MYH4: variants seen among roughly 807,000 people sequenced by gnomAD.
The protein encoded by MYH4 is myosin heavy chain 4, also known as myosin-4.
In MYH4, 200 loss-of-function variants were observed where a neutral mutation model predicts 229.9. That is an observed-to-expected ratio of 0.87 (90% CI 0.78 to 0.98). The LOEUF (loss-of-function observed/expected upper bound fraction) is 0.98, where lower values mean the gene tolerates loss of function less well. MYH4 is among the 50% of genes least tolerant of loss of function. The pLI is 0.00. For synonymous variants in MYH4, 761 were observed against 834.6 expected (o/e 0.91, Z 1.52); for missense variants, 2,148 against 2,332.6 (o/e 0.92, Z 1.63).
chr17:10,451,342 A>T lies in MYH4; in HGVS notation c.3849T>A (p.Arg1283=). ...LINELSAQKA[R]LHTESGEFSR... ...TTTACTGACCTGATTCTGTGTGTAAACGTGCCTTCTGGGCTGACAACTCAT... is the reference window on the plus strand; with the variant it reads ...TTTACTGACCTGATTCTGTGTGTAATCGTGCCTTCTGGGCTGACAACTCAT... Residue 1283 remains arginine (R), a synonymous_variant, in exon 28 of 40, where the codon CGT becomes CGA. Transcript: ENST00000255381. The T allele has an allele frequency of 6.2e-7, 1 of 1,613,952 alleles. No homozygotes were observed. The highest frequency in any genetic ancestry group is 1.7e-5 in the Admixed American group (1 of 59,982).
At chr17:10,467,949 C>A (rs1271112184) in intron 2 of MYH4, among the ~76,000 whole-genome samples, 1 of 152,220 alleles carries the variant, frequency 6.6e-6, no homozygotes, top group Non-Finnish European at 1.5e-5. Context: ...TAGCCACCAC[C>A]TTCTGTAGGC....
Position 10,460,189 on chromosome 17 carries a change from T to A in MYH4, c.1266+14A>T. 1 of 1,613,548 alleles carries A rather than the reference T, an allele frequency of 6.2e-7. No individual in the cohort carries two copies. The highest frequency in any genetic ancestry group is 8.5e-7 in the Non-Finnish European group (1 of 1,179,460). On this transcript the variant is annotated intron_variant, in intron 13 of 39. Transcript: ENST00000255381. ...TGCGGTTCAAATAAATCAGACAATT[T>A]AAGTCATGTTTACCTGCTGCACAGT...
rs892347851 is a variant in MYH4, at chr17:10,452,945, T to A, written c.3112-13A>T. On this transcript the variant is annotated splice_polypyrimidine_tract_variant and intron_variant, in intron 24 of 39. Coordinates refer to ENST00000255381, the MANE Select transcript of MYH4 (RefSeq NM_017533.2). Reference sequence around the variant, plus strand: ...GAGATCCTTCAAGCTAAATTTATGATGCATTTTATTTATTTCAGCTCTTAA... The same window carrying A: ...GAGATCCTTCAAGCTAAATTTATGAAGCATTTTATTTATTTCAGCTCTTAA... 6.2e-7 allele frequency: 1 copy of A among 1,600,708 alleles called. No homozygotes were observed. The highest frequency in any genetic ancestry group is 8.5e-7 in the Non-Finnish European group (1 of 1,177,278).
rs773402008 is a variant in MYH4 at position 10,447,800 on chromosome 17, G to T, written c.4965+18C>A. 5 of 1,590,448 alleles carry T rather than the reference G, an allele frequency of 3.1e-6. No individual in the cohort carries two copies. Among genetic ancestry groups the T allele is most frequent in the Non-Finnish European group, 4.3e-6 (5 of 1,167,892 alleles). ...GCACTGAGACTGTACAACACTATGT[G>T]TATTTACCCCAGCATACCTTCAGTA... is the stretch of plus-strand genomic sequence containing the variant. On this transcript the variant is annotated intron_variant, in intron 34 of 39. Transcript: ENST00000255381.
chr17:10,463,121 T>A lies in MYH4; in HGVS notation c.873A>T (p.Gln291His). The A allele has an allele frequency of 6.2e-7, 1 of 1,613,586 alleles. No homozygotes were observed. Among genetic ancestry groups the A allele is most frequent in the Non-Finnish European group, 8.5e-7 (1 of 1,179,710 alleles). The change falls in exon 10 of 40, where the codon CAA becomes CAT. Residue 291 changes from glutamine to histidine, a missense_variant. Gln to His is a conservative substitution (Grantham distance 24). Transcript: ENST00000255381. ...KAERSYHIFY[Q>H]ILSNKKPELI... ...GCTCTGGTTTCTTATTGGACAGGAT[T>A]TGATAAAATATGTGGTAGCTTCTTT...
intron 11 of MYH4, among the ~76,000 whole-genome samples, chr17:10,461,632 T>C (rs1182121843): frequency 1.3e-5 from 2 of 152,146 alleles, no homozygotes; most frequent in Non-Finnish European, 2.9e-5. Context: ...GACCACGAGA[T>C]GCCTGGGGTA....
At chr17:10,457,867 A>C (rs928296461) in intron 15 of MYH4, 138 bp from the exon 16 acceptor site, 5 of 1,184,508 alleles carry the variant, frequency 4.2e-6, no homozygotes, top group Non-Finnish European at 5.8e-6. Context: ...CATGTGAAGC[A>C]GTCATTATGT....
Position 10,463,119 on chromosome 17 carries a change from A to G in MYH4, c.875T>C (p.Ile292Thr), listed in dbSNP as rs2072720241. Residue 292 changes from isoleucine (I) to threonine (T), a missense_variant, in exon 10 of 40, where the codon ATC (isoleucine) becomes ACC (threonine). Transcript: ENST00000255381. ...AERSYHIFYQ[I>T]LSNKKPELIE... Reference sequence around the variant, plus strand: ...GAGCTCTGGTTTCTTATTGGACAGGATTTGATAAAATATGTGGTAGCTTCT... The same window carrying G: ...GAGCTCTGGTTTCTTATTGGACAGGGTTTGATAAAATATGTGGTAGCTTCT... The G allele has an allele frequency of 1.2e-6, 2 of 1,613,510 alleles. No homozygotes were observed. Among genetic ancestry groups the G allele is most frequent in the Non-Finnish European group, 1.7e-6 (2 of 1,179,636 alleles).
At chr17:10,457,309 G>T in intron 16 of MYH4, 111 bp downstream of exon 16, 2 of 1,193,258 alleles carry the variant, frequency 1.7e-6, no homozygotes, top group Non-Finnish European at 2.3e-6. Context: ...CATTAGGCAT[G>T]TATTGGCCAG....
In MYH4 at chr17:10,463,412, A is replaced by G. The variant is rs1462619634; in HGVS notation, c.742-11T>C. On this transcript the variant is annotated splice_polypyrimidine_tract_variant and intron_variant, in intron 8 of 39. Transcript: ENST00000255381. ...CCTGATGAATTTACCCTTAAAAAAG[A>G]AAAGGAGGGATTATTATACACATTA... 2.5e-6 allele frequency: 4 copies of G among 1,610,854 alleles called. No homozygotes were observed. Among genetic ancestry groups the G allele is most frequent in the Middle Eastern group, 3.3e-4 (2 of 6,048 alleles).
In MYH4 at chr17:10,458,310, T is replaced by G. The variant is rs982362556; in HGVS notation, c.1588-581A>C. Among the ~76,000 whole-genome samples the G allele has an allele frequency of 3.9e-5, 6 of 152,172 alleles. No individual in the cohort carries two copies. The East Asian group carries it at 1.2e-3, about 29-fold the overall frequency. ...TGAAAGAAAATTCAACATTGATGAT[T>G]TAACAAATTCACAAATTGTACCCCT... is the stretch of plus-strand genomic sequence containing the variant. On this transcript the variant is annotated intron_variant, in intron 15 of 39. Transcript: ENST00000255381.
At chr17:10,457,823 A>G in intron 15 of MYH4, 94 bp from the exon 16 acceptor site, 2 of 1,448,486 alleles carry the variant, frequency 1.4e-6, no homozygotes, top group Non-Finnish European at 1.9e-6. Flanking sequence ...ATGTTTCAAA[A>G]GAAGACTTTG....
intron 33 of MYH4, 74 bp from the exon 34 acceptor site, chr17:10,448,200 A>G (rs937085057): frequency 6.9e-7 from 1 of 1,440,304 alleles, no homozygotes; most frequent in African/African-American, 1.4e-5. Flanking sequence ...AATTTCCCCA[A>G]GAAGGCATTA....
rs1178068419 is a variant in MYH4, at chr17:10,459,307, A to G, written c.1531T>C (p.Trp511Arg). The change falls in exon 15 of 40, where the codon TGG becomes CGG. Residue 511 changes from tryptophan (W) to arginine (R), a missense_variant. By Grantham distance (101) the Trp-to-Arg change is moderately radical. Transcript: ENST00000255381. ...QEEYKKEGIEWEFIDFGMDLA... is the reference protein window; with the variant it reads ...QEEYKKEGIEREFIDFGMDLA... ...TCCATCCCGAAGTCAATGAACTCCC[A>G]CTCGATGCCTTCCTTCTTGTACTCT... is the stretch of plus-strand genomic sequence containing the variant. 1.9e-6 allele frequency: 3 copies of G among 1,613,980 alleles called. No homozygotes were observed. The highest frequency in any genetic ancestry group is 1.7e-6 in the Non-Finnish European group (2 of 1,179,982).
chr17:10,463,670 A>G (rs1223939488), intron 7 of MYH4, 27 bp from the exon 8 acceptor site: 15 of 1,542,318 alleles, frequency 9.7e-6, no homozygotes, highest in African/African-American at 6.9e-5. Flanking sequence ...AAGACAGACA[A>G]AGAAAAAAGT....
chr17:10,453,554 T>C (rs2072602123), intron 23 of MYH4, 89 bp downstream of exon 23: 3 of 1,591,212 alleles, frequency 1.9e-6, no homozygotes, highest in Non-Finnish European at 2.6e-6. Flanking sequence ...GTATTTTTTA[T>C]ATTCAATCAT....
intron 17 of MYH4, among the ~76,000 whole-genome samples, chr17:10,456,190 G>C (rs1190453978): frequency 6.6e-6 from 1 of 152,184 alleles, no homozygotes; most frequent in East Asian, 1.9e-4. Flanking sequence ...ATTTTTAAAA[G>C]AGCATTTGAT....
rs535532484 is a variant in MYH4 at position 10,453,674 on chromosome 17, A to G, written c.2903T>C (p.Val968Ala). ...CTCTGTGGCATGTTTCTCCTTCTCA[A>G]CCTTGGCCAGTGTCAGCTCAAGGTC... ...IDDLELTLAKVEKEKHATENK... is the reference protein window; with the variant it reads ...IDDLELTLAKAEKEKHATENK... Residue 968 changes from valine to alanine, a missense_variant, in exon 23 of 40, where the codon GTT becomes GCT. Coordinates refer to ENST00000255381, the MANE Select transcript of MYH4 (RefSeq NM_017533.2). The G allele has an allele frequency of 5.9e-5, 96 of 1,614,058 alleles. No homozygotes were observed. The highest frequency in any genetic ancestry group is 4.0e-5 in the African/African-American group (3 of 75,030).
chr17:10,451,366 A>G lies in MYH4; in HGVS notation c.3825T>C (p.Asn1275=). Residue 1275 remains asparagine, a synonymous_variant, in exon 28 of 40, where the codon AAT becomes AAC. Transcript: ENST00000255381. ...TKEEEQQRLI[N]ELSAQKARLH... ...AACGTGCCTTCTGGGCTGACAACTC[A>G]TTTATTAAGCGTTGTTGCTCTTCTT... is the stretch of plus-strand genomic sequence containing the variant. The G allele has an allele frequency of 6.2e-7, 1 of 1,613,974 alleles. No homozygotes were observed. Among genetic ancestry groups the G allele is most frequent in the Non-Finnish European group, 8.5e-7 (1 of 1,179,942 alleles).
Sources: gnomAD v4.1 joint callset for allele counts (sites outside exome capture counted in the v4.1 genomes callset) on GRCh38, gnomAD v4.1.1 for gene constraint, MANE v1.5 for transcripts, NCBI Gene and HGNC (gene_info 2026-07-23, HGNC 2026-07-21) for gene names.